Variants in CLSTN2 observed in about 807,000 individuals in gnomAD.
CLSTN2 encodes calsyntenin 2.
A neutral mutation model predicts 101.2 loss-of-function variants in CLSTN2; 48 were observed. The ratio of observed to expected loss-of-function variants is 0.47; its 90% confidence interval spans 0.38 to 0.60. CLSTN2 has a LOEUF of 0.60. CLSTN2 is among the 20% of genes least tolerant of loss of function. CLSTN2 has a pLI of 0.00. For missense variants in CLSTN2, 1,160 were observed against 1,238.2 expected, an observed-to-expected ratio of 0.94 and a Z score of 0.95; for synonymous variants, 481 against 463.6, an observed-to-expected ratio of 1.04 and a Z score of -0.48.
chr3:140,008,624 C>T (rs1318285223), intron 1 of CLSTN2, among the ~76,000 whole-genome samples: 3 of 152,230 alleles, frequency 2.0e-5, no homozygotes, highest in African/African-American at 7.2e-5. Flanking sequence ...TTCTACTCTG[C>T]CTGGATCAGA....
At chr3:140,240,680 T>G (rs180994939) in intron 2 of CLSTN2, among the ~76,000 whole-genome samples, 1 of 152,246 alleles carries the variant, frequency 6.6e-6, no homozygotes, top group East Asian at 1.9e-4. Context: ...TTGCTGAAGC[T>G]AGGTGATCCT....
intron 1 of CLSTN2, among the ~76,000 whole-genome samples, chr3:140,060,602 G>C (rs1014716828): frequency 1.3e-5 from 2 of 152,180 alleles, no homozygotes; most frequent in Non-Finnish European, 2.9e-5. Context: ...ATTGTCATCA[G>C]AGCCCAGTGG....
intron 1 of CLSTN2, among the ~76,000 whole-genome samples, chr3:140,112,731 A>G (rs1466465655): frequency 6.6e-6 from 1 of 152,172 alleles, no homozygotes; most frequent in Non-Finnish European, 1.5e-5. Context: ...CTGACCTAGC[A>G]GGCACCGTGG....
chr3:140,155,785 T>C (rs575421670), intron 1 of CLSTN2, among the ~76,000 whole-genome samples: 33 of 152,324 alleles, frequency 2.2e-4, no homozygotes, highest in Admixed American at 1.0e-3. Flanking sequence ...GTCAAAGACT[T>C]CTAATGTCAT....
At chr3:140,272,349 T>G (rs1282504231) in intron 2 of CLSTN2, among the ~76,000 whole-genome samples, 1 of 152,162 alleles carries the variant, frequency 6.6e-6, no homozygotes. Flanking sequence ...CCATATGCTG[T>G]GAATAAAGTC....
At chr3:140,172,657 T>C (rs2010257777) in intron 1 of CLSTN2, among the ~76,000 whole-genome samples, 1 of 152,024 alleles carries the variant, frequency 6.6e-6, no homozygotes, top group African/African-American at 2.4e-5. Context: ...AAGAAAGAGG[T>C]TTAATTGGAC....
chr3:139,957,462 T>A (rs1481852471), intron 1 of CLSTN2, among the ~76,000 whole-genome samples: 1 of 152,108 alleles, frequency 6.6e-6, no homozygotes, highest in East Asian at 1.9e-4. Context: ...AACCTGTATA[T>A]GCCTCAAATA....
chr3:140,022,109 G>C (rs2007330691), intron 1 of CLSTN2, among the ~76,000 whole-genome samples: 1 of 152,196 alleles, frequency 6.6e-6, no homozygotes, highest in Admixed American at 6.5e-5. Context: ...CAGTGGGAAT[G>C]GGGAGTGGCC....
chr3:140,529,730 G>A (rs920850427), intron 8 of CLSTN2, among the ~76,000 whole-genome samples: 2 of 152,108 alleles, frequency 1.3e-5, no homozygotes, highest in Admixed American at 1.3e-4. Context: ...TTGTTTAGAC[G>A]CCCAATTAGG....
intron 1 of CLSTN2, among the ~76,000 whole-genome samples, chr3:140,034,534 T>C (rs1002932910): frequency 2.0e-5 from 3 of 152,230 alleles, no homozygotes; most frequent in African/African-American, 7.2e-5. Context: ...GCATTCCACA[T>C]GGATGGCACA....
intron 1 of CLSTN2, among the ~76,000 whole-genome samples, chr3:140,151,353 C>G (rs746243226): frequency 6.6e-6 from 1 of 151,798 alleles, no homozygotes; most frequent in Non-Finnish European, 1.5e-5. Flanking sequence ...AAGCTCTGAG[C>G]TAAAGGAAGG....
intron 1 of CLSTN2, among the ~76,000 whole-genome samples, chr3:140,159,714 T>C (rs2010014765): frequency 6.6e-6 from 1 of 152,140 alleles, no homozygotes; most frequent in East Asian, 1.9e-4. Flanking sequence ...CACACACTTG[T>C]ATGTTCACTA....
intron 5 of CLSTN2, among the ~76,000 whole-genome samples, chr3:140,428,963 T>C (rs1280638595): frequency 2.0e-5 from 3 of 152,148 alleles, no homozygotes; most frequent in Non-Finnish European, 4.4e-5. Flanking sequence ...TTAACAAGTC[T>C]GGGGTAGGTC....
chr3:140,143,619 C>T (rs1315287196), intron 1 of CLSTN2, among the ~76,000 whole-genome samples: 1 of 152,152 alleles, frequency 6.6e-6, no homozygotes, highest in Admixed American at 6.5e-5. Flanking sequence ...TAAAATTAAC[C>T]ACCACCAGAT....
intron 5 of CLSTN2, among the ~76,000 whole-genome samples, chr3:140,445,982 C>T (rs770185268): frequency 6.0e-5 from 9 of 149,986 alleles, no homozygotes; most frequent in Non-Finnish European, 1.2e-4. Flanking sequence ...GGAGAAATCC[C>T]GGAAGGACAC....
At chr3:140,525,357 T>G (rs551974069) in intron 8 of CLSTN2, among the ~76,000 whole-genome samples, 1 of 152,260 alleles carries the variant, frequency 6.6e-6, no homozygotes, top group African/African-American at 2.4e-5. Flanking sequence ...AGTGGATACA[T>G]TCCTGGTAAC....
chr3:140,367,411 G>T (rs2087803227), intron 2 of CLSTN2, among the ~76,000 whole-genome samples: 1 of 151,538 alleles, frequency 6.6e-6, no homozygotes. Flanking sequence ...TACTTGGGAG[G>T]CTGAGGCAGG....
chr3:139,950,328 C>T (rs750918662), intron 1 of CLSTN2, among the ~76,000 whole-genome samples: 30 of 152,132 alleles, frequency 2.0e-4, no homozygotes, highest in Admixed American at 2.6e-4. Flanking sequence ...GGGACAGTCC[C>T]CAGGCACATG....
At chr3:140,138,968 C>T (rs947954747) in intron 1 of CLSTN2, among the ~76,000 whole-genome samples, 1 of 152,206 alleles carries the variant, frequency 6.6e-6, no homozygotes, top group Non-Finnish European at 1.5e-5. Context: ...GGTCCAACTC[C>T]AGCTTCGTAA....
Sources: allele counts gnomAD v4.1 joint callset (sites outside exome capture counted in the v4.1 genomes callset), GRCh38; gene constraint gnomAD v4.1.1; transcripts MANE v1.5; gene names NCBI Gene and HGNC (gene_info 2026-07-23, HGNC 2026-07-21).